COL28A1: variants seen among roughly 807,000 people sequenced by gnomAD.
The protein encoded by COL28A1 is collagen alpha-1(XXVIII) chain.
In COL28A1, 161 loss-of-function variants were observed where a neutral mutation model predicts 150.2. The observed-to-expected ratio is 1.07, with a 90% CI of 0.94 to 1.22. The LOEUF is 1.22. Among genes scored for constraint, COL28A1 ranks in the 50% most tolerant of loss-of-function variants. The pLI is 0.00. For synonymous variants in COL28A1, 552 were observed against 469.7 expected (o/e 1.18, Z -2.26); for missense variants, 1,617 against 1,388.3 (o/e 1.16, Z -2.62).
chr7:7,462,659 G>A (rs1479857334), intron 15 of COL28A1, among the ~76,000 whole-genome samples: 3 of 152,118 alleles, frequency 2.0e-5, no homozygotes, highest in African/African-American at 4.8e-5. Flanking sequence ...AGGAGTTCAC[G>A]ACCAGCCTGA....
chr7:7,482,385 T>A (rs1779379419), intron 13 of COL28A1, among the ~76,000 whole-genome samples: 1 of 151,846 alleles, frequency 6.6e-6, no homozygotes, highest in African/African-American at 2.4e-5. Context: ...ATTAGCCAGG[T>A]CTGGTGGCTG....
intron 21 of COL28A1, 44 bp downstream of exon 21, chr7:7,440,746 A>AG (rs750933305): frequency 6.1e-5 from 45 of 738,712 alleles, no homozygotes; most frequent in Non-Finnish European, 8.9e-5. Flanking sequence ...AACCAGACAC[A>AG]ATACAAACTC....
At chr7:7,508,347 AATATT>A in intron 9 of COL28A1, among the ~76,000 whole-genome samples, 1 of 152,336 alleles carries the variant, frequency 6.6e-6, no homozygotes, top group South Asian at 2.1e-4. Flanking sequence ...GCTTTGACCT[AATATT>A]ATAATGAACA....
chr7:7,410,854 T>C (rs1156698883), intron 27 of COL28A1, among the ~76,000 whole-genome samples: 1 of 152,210 alleles, frequency 6.6e-6, no homozygotes, highest in African/African-American at 2.4e-5. Flanking sequence ...TACAACTTAG[T>C]GTACTTCAAA....
At position 7,385,144 on chromosome 7, in the gene COL28A1, A is replaced by G. The variant is rs375069862; in HGVS notation, c.2137-3532T>C. On this transcript the variant is annotated intron_variant, in intron 27 of 34. Transcript: ENST00000399429. ...CAAAAGGAAAACAAACGCAAATAGTATAGGAACGATATCTCTTAAGAAAGA... is the reference window on the plus strand; with the variant it reads ...CAAAAGGAAAACAAACGCAAATAGTGTAGGAACGATATCTCTTAAGAAAGA... Among the ~76,000 whole-genome samples the G allele has an allele frequency of 6.0e-4, 92 of 152,340 alleles. 1 individual carries two copies. Among genetic ancestry groups the G allele is most frequent in the African/African-American group, 2.0e-3 (83 of 41,578 alleles).
At chr7:7,348,958 C>G in the COL28A1 span, among the ~76,000 whole-genome samples, 1 of 152,018 alleles carries the variant, frequency 6.6e-6, no homozygotes, top group Non-Finnish European at 1.5e-5. Flanking sequence ...GTTGCCCAGG[C>G]TACTCTTGAG....
chr7:7,381,579 T>G lies in COL28A1; in HGVS notation c.2170A>C (p.Lys724Gln). 6.2e-7 allele frequency: 1 copy of G among 1,613,952 alleles called. No homozygotes were observed. Among genetic ancestry groups the G allele is most frequent in the Non-Finnish European group, 8.5e-7 (1 of 1,179,804 alleles). ...EQGPQGFPGP[K>Q]GTMGHGLPGQ... ...GGGAGGCCATGGCCCATTGTGCCCT[T>G]TGGGCCTGGGAAGCCTTGTGGTCCT... Residue 724 changes from lysine (K) to glutamine (Q), a missense_variant, in exon 28 of 35, where the codon AAG (lysine) becomes CAG (glutamine). Lys to Gln is a moderately conservative substitution (Grantham distance 53, BLOSUM62 1). Coordinates refer to ENST00000399429, the MANE Select transcript of COL28A1 (RefSeq NM_001037763.3).
At chr7:7,413,756 C>A (rs549266534) in intron 27 of COL28A1, among the ~76,000 whole-genome samples, 1 of 152,208 alleles carries the variant, frequency 6.6e-6, no homozygotes, top group Non-Finnish European at 1.5e-5. Flanking sequence ...ATGTTTGAAC[C>A]ATTATACATT....
At position 7,373,963 on chromosome 7, in the gene COL28A1, T is replaced by G. The variant is rs1343129318; in HGVS notation, c.2360-417A>C. Among the ~76,000 whole-genome samples, 6 of 148,266 alleles carry G rather than the reference T, an allele frequency of 4.0e-5. No homozygotes were observed. The highest frequency in any genetic ancestry group is 4.0e-4 in the Admixed American group (6 of 14,902). The stretch of plus-strand genomic sequence containing the variant: ...ATATGCCCGCCTCGGCCTCCCAAAG[T>G]GCTGGGATTACAGGCGTGAGCCACC... On this transcript the variant is annotated intron_variant, in intron 31 of 34. Transcript: ENST00000399429. This position sits in a 1 kb window ranked among gnomAD's most constrained non-coding sequence, Gnocchi z 4.1.
At chr7:7,366,657 G>T (rs1780946368) in intron 33 of COL28A1, among the ~76,000 whole-genome samples, 1 of 151,950 alleles carries the variant, frequency 6.6e-6, no homozygotes, top group South Asian at 2.1e-4. Flanking sequence ...TTTATTTTTC[G>T]CTAAGAACAT....
chr7:7,481,762 T>A (rs57521604), intron 13 of COL28A1, among the ~76,000 whole-genome samples: 14,506 of 152,278 alleles, frequency 0.095, 889 homozygotes, highest in Middle Eastern at 0.21. Context: ...ATGCTTTCAA[T>A]ATGCATTGCA....
Position 7,444,421 on chromosome 7 carries a change from C to T in COL28A1, c.1578G>A (p.Lys526=), listed in dbSNP as rs182158327. 6 of 1,614,030 alleles carry T rather than the reference C, an allele frequency of 3.7e-6. No individual in the cohort carries two copies. The highest frequency in any genetic ancestry group is 2.7e-5 in the African/African-American group (2 of 75,030). ...AATACGAAAAACTTGGTGTTACCTT[C>T]TTCCCTGCAGCTCCATCTTCTCCTG... ...GVPGEDGAAG[K]KGEAGLPGAR... is the part of the protein sequence containing the mutation. The change falls in exon 19 of 35, where the codon AAG becomes AAA. Residue 526 remains lysine (K), a synonymous_variant. Transcript: ENST00000399429.
chr7:7,537,327 A>C (rs1782679774), upstream of COL28A1, among the ~76,000 whole-genome samples: 1 of 152,214 alleles, frequency 6.6e-6, no homozygotes, highest in Admixed American at 6.5e-5. Flanking sequence ...ATGTGGGAGG[A>C]AACTCCAGGA....
At chr7:7,514,389 A>C (rs893977337) in intron 8 of COL28A1, among the ~76,000 whole-genome samples, 1 of 152,236 alleles carries the variant, frequency 6.6e-6, no homozygotes, top group African/African-American at 2.4e-5. Context: ...TACAAATTGT[A>C]TTCCATCCAG....
chr7:7,403,213 G>A (rs1354581640), intron 27 of COL28A1, among the ~76,000 whole-genome samples: 3 of 152,242 alleles, frequency 2.0e-5, no homozygotes, highest in East Asian at 1.9e-4. Context: ...GGAACAGCAC[G>A]TGAACAAGCA....
chr7:7,410,063 G>A (rs1244142062), intron 27 of COL28A1, among the ~76,000 whole-genome samples: 8 of 152,186 alleles, frequency 5.3e-5, no homozygotes, highest in Admixed American at 3.9e-4. Context: ...TTCTTAACTG[G>A]CTTGAAGGAA....
At chr7:7,488,203 A>T (rs963939222) in intron 13 of COL28A1, among the ~76,000 whole-genome samples, 2 of 152,216 alleles carry the variant, frequency 1.3e-5, no homozygotes, top group African/African-American at 4.8e-5. Flanking sequence ...GTTTATCTTT[A>T]ATGGTACTAT....
intron 23 of COL28A1, among the ~76,000 whole-genome samples, chr7:7,433,740 T>C (rs756754451): frequency 6.6e-5 from 10 of 152,128 alleles, no homozygotes; most frequent in Non-Finnish European, 1.2e-4. Flanking sequence ...GTTACACCGA[T>C]CTGTTGTTGA....
At chr7:7,513,135 AG>A (rs1235851592) in intron 8 of COL28A1, among the ~76,000 whole-genome samples, 1 of 152,200 alleles carries the variant, frequency 6.6e-6, no homozygotes, top group Non-Finnish European at 1.5e-5. Flanking sequence ...TGCTCTATGG[AG>A]GGAAATCACA....
Sources: allele counts gnomAD v4.1 joint callset (sites outside exome capture counted in the v4.1 genomes callset), GRCh38; gene constraint gnomAD v4.1.1; non-coding constraint Gnocchi (gnomAD v3.1); transcripts MANE v1.5; gene names NCBI Gene and HGNC (gene_info 2026-07-23, HGNC 2026-07-21).